The following CCSER2 variants were observed in gnomAD, a reference collection of about 807,000 sequenced individuals.
The protein encoded by CCSER2 is coiled-coil serine rich protein 2.
In CCSER2, 46 loss-of-function variants were observed where a neutral mutation model predicts 92.3. The observed-to-expected ratio is 0.50, with a 90% CI of 0.39 to 0.64. CCSER2 has a LOEUF of 0.64. Among genes scored for constraint, CCSER2 ranks in the 30% least tolerant of loss-of-function variants. The probability of loss-of-function intolerance (pLI) is 0.00; values close to 1 mark genes in which losing one functional copy is unlikely to be tolerated. For missense variants in CCSER2, 1,244 were observed against 1,238.9 expected, an observed-to-expected ratio of 1.00 and a Z score of -0.06; for synonymous variants, 433 against 431.4, an observed-to-expected ratio of 1.00 and a Z score of -0.04.
chr10:84,431,185 A>G (rs1843742472), intron 5 of CCSER2, among the ~76,000 whole-genome samples: 1 of 152,182 alleles, frequency 6.6e-6, no homozygotes, highest in African/African-American at 2.4e-5. Context: ...GGGCCTTGAC[A>G]AATGTATAAT....
chr10:84,497,400 C>T (rs1322008986), intron 9 of CCSER2, among the ~76,000 whole-genome samples: 2 of 152,160 alleles, frequency 1.3e-5, no homozygotes, highest in South Asian at 2.1e-4. Context: ...TGCCCCTTGG[C>T]GGTGGCAGGC....
intron 1 of CCSER2, among the ~76,000 whole-genome samples, chr10:84,329,343 TAAAGTA>T (rs1398408940): frequency 6.6e-6 from 1 of 152,184 alleles, no homozygotes; most frequent in African/African-American, 2.4e-5. Flanking sequence ...ACTTTCTTGA[TAAAGTA>T]AAAGGAGGAA....
chr10:84,384,696 C>T (rs1182071274), intron 3 of CCSER2, among the ~76,000 whole-genome samples: 3 of 152,074 alleles, frequency 2.0e-5, no homozygotes, highest in African/African-American at 7.2e-5. Context: ...AAAGCATTTC[C>T]CCTAAGAGCT....
At chr10:84,350,730 A>G (rs1844815332) in intron 1 of CCSER2, among the ~76,000 whole-genome samples, 1 of 152,202 alleles carries the variant, frequency 6.6e-6, no homozygotes, top group Non-Finnish European at 1.5e-5. Flanking sequence ...TCTTATTTCT[A>G]TTCATTGATC....
At chr10:84,393,456 C>CTAG (rs1222887586) in intron 3 of CCSER2, among the ~76,000 whole-genome samples, 1 of 152,100 alleles carries the variant, frequency 6.6e-6, no homozygotes, top group Non-Finnish European at 1.5e-5. Context: ...AACATACTGC[C>CTAG]TTCTAAGCTT....
chr10:84,371,850 G>A lies in CCSER2; in HGVS notation c.798G>A (p.Arg266=), dbSNP rs373732128. Residue 266 remains arginine (R), a synonymous_variant, in exon 2 of 10, where the codon CGG becomes CGA. Transcript: ENST00000372088. ...AGCTATCCATTAGAGTGCCTCTACGGTCAAGTATGCTAACAAGAAATTCCC... is the reference window on the plus strand; with the variant it reads ...AGCTATCCATTAGAGTGCCTCTACGATCAAGTATGCTAACAAGAAATTCCC... ...NQQLSIRVPL[R]SSMLTRNSRQ... The A allele has an allele frequency of 1.2e-6, 2 of 1,613,760 alleles. No homozygotes were observed. The highest frequency in any genetic ancestry group is 1.7e-6 in the Non-Finnish European group (2 of 1,179,862).
intron 3 of CCSER2, among the ~76,000 whole-genome samples, chr10:84,396,476 A>G (rs1283708178): frequency 6.6e-6 from 1 of 151,772 alleles, no homozygotes; most frequent in Non-Finnish European, 1.5e-5. Flanking sequence ...CAATCCTTTC[A>G]GCGTGATTGT....
At chr10:84,484,490 C>CGTGTGTGT (rs143391336) in intron 9 of CCSER2, among the ~76,000 whole-genome samples, 14,968 of 147,270 alleles carry the variant, frequency 0.1, 836 homozygotes, top group Admixed American at 0.15. Flanking sequence ...TGTGCATGCA[C>CGTGTGTGT]GTGTGTGTGT....
chr10:84,460,141 G>C (rs1259924692), intron 6 of CCSER2, among the ~76,000 whole-genome samples: 1 of 144,704 alleles, frequency 6.9e-6, no homozygotes, highest in Non-Finnish European at 1.5e-5. Flanking sequence ...CCAGGCTGGA[G>C]TGCGGGGGTG....
rs1384145026 is a variant in CCSER2 at position 84,371,593 on chromosome 10, T to C, written c.541T>C (p.Ser181Pro). The C allele has an allele frequency of 3.1e-6, 5 of 1,613,692 alleles. No individual in the cohort carries two copies. The Admixed American group carries it at 8.3e-5, about 27-fold the overall frequency. The change falls in exon 2 of 10, where the codon TCA becomes CCA. Residue 181 changes from serine to proline, a missense_variant. By Grantham distance (74) the Ser-to-Pro change is moderately conservative. Coordinates refer to ENST00000372088, the MANE Select transcript of CCSER2 (RefSeq NM_001284240.2). The part of the protein sequence containing the change: ...SQLNGFYGNR[S>P]AGSMQRPRAN... Reference sequence around the variant, plus strand: ...GTTGAATGGATTTTATGGAAACCGATCAGCTGGTAGCATGCAAAGGCCTAG... The same window carrying C: ...GTTGAATGGATTTTATGGAAACCGACCAGCTGGTAGCATGCAAAGGCCTAG...
chr10:84,469,869 T>C (rs1284936675), intron 7 of CCSER2, among the ~76,000 whole-genome samples: 1 of 152,086 alleles, frequency 6.6e-6, no homozygotes, highest in Non-Finnish European at 1.5e-5. Flanking sequence ...CATTTATCTT[T>C]TTTGCTGATT....
intron 4 of CCSER2, among the ~76,000 whole-genome samples, chr10:84,420,537 A>G (rs995552950): frequency 6.6e-6 from 1 of 152,202 alleles, no homozygotes; most frequent in African/African-American, 2.4e-5. Flanking sequence ...AGAATGTTAC[A>G]GGGACTGATA....
chr10:84,494,151 G>T (rs974815887), intron 9 of CCSER2, among the ~76,000 whole-genome samples: 1 of 152,190 alleles, frequency 6.6e-6, no homozygotes, highest in Non-Finnish European at 1.5e-5. Context: ...CTGCTGTGTT[G>T]TCAGGTTGCT....
chr10:84,346,655 C>T (rs1453299838), intron 1 of CCSER2, among the ~76,000 whole-genome samples: 1 of 151,808 alleles, frequency 6.6e-6, no homozygotes, highest in Non-Finnish European at 1.5e-5. Flanking sequence ...TATCATCCAG[C>T]CATCTGTTAC....
At chr10:84,355,427 T>G (rs1191605399) in intron 1 of CCSER2, among the ~76,000 whole-genome samples, 2 of 152,218 alleles carry the variant, frequency 1.3e-5, no homozygotes, top group Non-Finnish European at 2.9e-5. Context: ...TATTTACCAT[T>G]TATCTTTTGA....
chr10:84,488,353 G>A (rs1156931270), intron 9 of CCSER2, among the ~76,000 whole-genome samples: 1 of 152,200 alleles, frequency 6.6e-6, no homozygotes, highest in Admixed American at 6.5e-5. Flanking sequence ...GAATTCGGCT[G>A]TGAATCCATC....
intron 2 of CCSER2, 143 bp downstream of exon 2, chr10:84,372,612 G>A (rs749330539): frequency 1.2e-5 from 7 of 572,000 alleles, no homozygotes; most frequent in African/African-American, 1.9e-5. Flanking sequence ...GTGGGTTAAC[G>A]TTTATTTTCC....
intron 3 of CCSER2, among the ~76,000 whole-genome samples, chr10:84,393,067 C>G (rs1306606319): frequency 6.6e-6 from 1 of 152,020 alleles, no homozygotes; most frequent in African/African-American, 2.4e-5. Flanking sequence ...TAGTGTAGCC[C>G]TGCTACACTA....
At chr10:84,369,835 G>A (rs1415287211) in intron 1 of CCSER2, among the ~76,000 whole-genome samples, 3 of 152,068 alleles carry the variant, frequency 2.0e-5, no homozygotes, top group African/African-American at 7.2e-5. Flanking sequence ...TATATGGTAA[G>A]AGATAGGGAT....
Sources: allele counts gnomAD v4.1 joint callset (sites outside exome capture counted in the v4.1 genomes callset), GRCh38; gene constraint gnomAD v4.1.1; transcripts MANE v1.5; gene names NCBI Gene and HGNC (gene_info 2026-07-23, HGNC 2026-07-21).